The following CNGA3 variants were observed in gnomAD, a reference collection of about 807,000 sequenced individuals.
CNGA3 encodes cyclic nucleotide gated channel subunit alpha 3.
In CNGA3, 42 loss-of-function variants were observed where a neutral mutation model predicts 46.6. That is an observed-to-expected ratio of 0.90 (90% CI 0.70 to 1.17). The LOEUF is 1.17. CNGA3 is among the 50% of genes most tolerant of loss of function. The pLI, the probability that CNGA3 is intolerant of heterozygous loss-of-function variation, is 0.00. For missense variants in CNGA3, 893 were observed against 890.7 expected (o/e 1.00, Z -0.03); for synonymous variants, 394 against 369.4 (o/e 1.07, Z -0.76).
Position 98,396,962 on chromosome 2 carries a change from C to T in CNGA3, c.1792C>T (p.Leu598=), listed in dbSNP as rs1018163095. The part of the protein sequence containing the change: ...LTEYPEAKKA[L]EEKGRQILMK... ...CGAGTACCCCGAAGCCAAGAAGGCC[C>T]TGGAGGAGAAAGGACGGCAGATCCT... The change falls in exon 8 of 8, where the codon CTG becomes TTG. Residue 598 remains leucine (L), a synonymous_variant. Transcript: ENST00000272602. 17 of 1,614,002 alleles carry T rather than the reference C, an allele frequency of 1.1e-5. No individual in the cohort carries two copies. In the Admixed American group the frequency reaches 2.0e-4, roughly 19 times the overall value.
chr2:98,354,709 C>T (rs922561684), intron 1 of CNGA3, among the ~76,000 whole-genome samples: 2 of 152,118 alleles, frequency 1.3e-5, no homozygotes, highest in African/African-American at 4.8e-5. Context: ...GGCTTGAGCC[C>T]AGGAGGTCAA....
intron 1 of CNGA3, among the ~76,000 whole-genome samples, chr2:98,354,721 G>C (rs566877396): frequency 3.3e-5 from 5 of 152,288 alleles, no homozygotes; most frequent in South Asian, 4.1e-4. Context: ...GGAGGTCAAG[G>C]CTGCAGTGAG....
chr2:98,385,270 T>G (rs567189272), intron 5 of CNGA3, among the ~76,000 whole-genome samples: 1 of 152,314 alleles, frequency 6.6e-6, no homozygotes, highest in Non-Finnish European at 1.5e-5. Flanking sequence ...GCTGGTGACT[T>G]GACGTTAAGA....
In CNGA3 at chr2:98,396,954, A is replaced by G. The variant is rs1558821005; in HGVS notation, c.1784A>G (p.Lys595Arg). The change falls in exon 8 of 8, where the codon AAG (lysine) becomes AGG (arginine). Residue 595 changes from lysine (K) to arginine (R), a missense_variant. Physicochemically the swap from Lys to Arg is conservative, Grantham distance 26 (BLOSUM62 2). Coordinates refer to ENST00000272602, the MANE Select transcript of CNGA3 (RefSeq NM_001298.3). ...GCCCTCACCGAGTACCCCGAAGCCA[A>G]GAAGGCCCTGGAGGAGAAAGGACGG... ...MEALTEYPEA[K>R]KALEEKGRQI... 1 of 1,614,024 alleles carries G rather than the reference A, an allele frequency of 6.2e-7. No individual in the cohort carries two copies. Among genetic ancestry groups the G allele is most frequent in the Admixed American group, 1.7e-5 (1 of 59,994 alleles).
intron 2 of CNGA3, among the ~76,000 whole-genome samples, chr2:98,374,154 C>T (rs1490398019): frequency 6.6e-6 from 1 of 152,224 alleles, no homozygotes; most frequent in African/African-American, 2.4e-5. Context: ...TCACCAAGTG[C>T]AAAGTTAATT....
chr2:98,369,606 C>T (rs763849694), intron 1 of CNGA3, among the ~76,000 whole-genome samples: 1 of 152,198 alleles, frequency 6.6e-6, no homozygotes, highest in Non-Finnish European at 1.5e-5. Flanking sequence ...TGCATCATCT[C>T]AAAGAATCAT....
chr2:98,364,685 T>C (rs1692106481), intron 1 of CNGA3, among the ~76,000 whole-genome samples: 1 of 152,178 alleles, frequency 6.6e-6, no homozygotes, highest in Middle Eastern at 3.2e-3. Flanking sequence ...TTTGCAGGCT[T>C]GTTGAGGTTG....
intron 2 of CNGA3, among the ~76,000 whole-genome samples, chr2:98,376,303 G>A (rs1301050745): frequency 6.6e-6 from 1 of 152,124 alleles, no homozygotes; most frequent in East Asian, 1.9e-4. Context: ...GCTCACAGGA[G>A]AAGGACCATG....
chr2:98,375,173 C>T (rs1339705078), intron 2 of CNGA3, among the ~76,000 whole-genome samples: 3 of 152,240 alleles, frequency 2.0e-5, no homozygotes, highest in Non-Finnish European at 4.4e-5. Context: ...GCCTTCCTCA[C>T]CCACTCACCA....
At chr2:98,372,941 T>A (rs927823978) in intron 2 of CNGA3, among the ~76,000 whole-genome samples, 4 of 152,192 alleles carry the variant, frequency 2.6e-5, no homozygotes, top group Non-Finnish European at 5.9e-5. Context: ...AATTGACAGA[T>A]TAATACAGTA....
chr2:98,364,156 T>A (rs984686666), intron 1 of CNGA3, among the ~76,000 whole-genome samples: 1 of 152,146 alleles, frequency 6.6e-6, no homozygotes, highest in African/African-American at 2.4e-5. Context: ...GGTGGGCAGA[T>A]CACTTGAGAT....
At chr2:98,364,915 C>T (rs907016766) in intron 1 of CNGA3, among the ~76,000 whole-genome samples, 1 of 152,168 alleles carries the variant, frequency 6.6e-6, no homozygotes, top group Non-Finnish European at 1.5e-5. Flanking sequence ...AAATTCTTTT[C>T]TTTAAGAGTA....
At chr2:98,383,537 C>G (rs528928097) in intron 5 of CNGA3, 96 bp downstream of exon 5, 2 of 1,117,648 alleles carry the variant, frequency 1.8e-6, no homozygotes, top group Non-Finnish European at 2.7e-6. Flanking sequence ...TGCTCCTGCT[C>G]CCCACTCCCA....
intron 1 of CNGA3, among the ~76,000 whole-genome samples, chr2:98,358,051 G>A (rs965484010): frequency 2.6e-5 from 4 of 152,348 alleles, no homozygotes; most frequent in Non-Finnish European, 5.9e-5. Context: ...CGCACCCAGG[G>A]GGCCCTGGCT....
chr2:98,392,008 C>T, intron 7 of CNGA3, 38 bp downstream of exon 7: 1 of 1,562,924 alleles, frequency 6.4e-7, no homozygotes, highest in East Asian at 2.2e-5. Context: ...GACCATGGCC[C>T]CCACGGGAGT....
intron 2 of CNGA3, 105 bp downstream of exon 2, chr2:98,370,181 G>A: frequency 1.1e-6 from 1 of 901,966 alleles, no homozygotes; most frequent in Non-Finnish European, 1.8e-6. Flanking sequence ...GCCAGCCACA[G>A]GTCAGAGGGC....
chr2:98,380,778 T>C (rs1692520056), intron 4 of CNGA3, among the ~76,000 whole-genome samples: 1 of 152,144 alleles, frequency 6.6e-6, no homozygotes, highest in Non-Finnish European at 1.5e-5. Flanking sequence ...TGGGGGGGTG[T>C]CTAAATGGTA....
intron 1 of CNGA3, among the ~76,000 whole-genome samples, chr2:98,349,915 C>A (rs1404330432): frequency 1.3e-5 from 2 of 152,082 alleles, no homozygotes; most frequent in South Asian, 4.2e-4. Context: ...TGGCATTAAC[C>A]AAGACAGTAC....
In CNGA3 at chr2:98,396,187, C is replaced by T. The variant is rs772041831; in HGVS notation, c.1017C>T (p.Asn339=). The T allele has an allele frequency of 1.9e-6, 3 of 1,614,236 alleles. No individual in the cohort carries two copies. Among genetic ancestry groups the T allele is most frequent in the Non-Finnish European group, 2.5e-6 (3 of 1,180,042 alleles). ...GFGTDSWVYP[N]ISIPEHGRLS... ...GGACAGACTCCTGGGTCTACCCAAA[C>T]ATCTCAATCCCAGAGCATGGGCGCC... Residue 339 remains asparagine (N), a synonymous_variant, in exon 8 of 8, where the codon AAC becomes AAT. Transcript: ENST00000272602.
Sources: allele counts gnomAD v4.1 joint callset (sites outside exome capture counted in the v4.1 genomes callset), GRCh38; gene constraint gnomAD v4.1.1; transcripts MANE v1.5; gene names NCBI Gene and HGNC (gene_info 2026-07-23, HGNC 2026-07-21).